The following MED13L variants were observed in gnomAD, a reference collection of about 807,000 sequenced individuals.
MED13L encodes the protein mediator of RNA polymerase II transcription subunit 13-like.
A neutral mutation model predicts 220.9 loss-of-function variants in MED13L; 7 were observed. That is an observed-to-expected ratio of 0.03 (90% CI 0.02 to 0.06). MED13L has a LOEUF of 0.06. MED13L is among the 10% of genes least tolerant of loss of function. The pLI is 1.00. For missense variants in MED13L, 1,965 were observed against 2,760.5 expected (o/e 0.71, Z 6.46); for synonymous variants, 1,011 against 1,015.2 (o/e 1.00, Z 0.08).
chr12:116,132,104 C>T (rs1876119654), intron 2 of MED13L, among the ~76,000 whole-genome samples: 1 of 151,968 alleles, frequency 6.6e-6, no homozygotes, highest in Admixed American at 6.6e-5. Context: ...CACTGTGAAA[C>T]CCCGTCTCTA....
chr12:116,086,888 G>A (rs1871743752), intron 4 of MED13L, among the ~76,000 whole-genome samples: 1 of 152,080 alleles, frequency 6.6e-6, no homozygotes. Flanking sequence ...CAAAATCATG[G>A]TGATTTCAAA....
chr12:116,158,925 A>C (rs1183963627), intron 2 of MED13L, among the ~76,000 whole-genome samples: 1 of 152,210 alleles, frequency 6.6e-6, no homozygotes, highest in Non-Finnish European at 1.5e-5. Flanking sequence ...ATATTTTTCT[A>C]TTCTGTAACA....
intron 9 of MED13L, among the ~76,000 whole-genome samples, chr12:116,011,469 T>C (rs1207548538): frequency 6.6e-6 from 1 of 152,096 alleles, no homozygotes; most frequent in Admixed American, 6.5e-5. Context: ...AGTGAAAAAA[T>C]CTGGGCTAAG....
chr12:115,997,008 A>T lies in MED13L; in HGVS notation c.2790+2T>A. On this transcript the variant is annotated splice_donor_variant, in intron 15 of 30. Transcript: ENST00000281928. LOFTEE classifies it high-confidence loss of function. ...TGGAAATGTTAATATATTGACAACT[A>T]CCTTAATTTCCTCGGGCTTGGGACT... The T allele has an allele frequency of 6.2e-7, 1 of 1,610,560 alleles. No homozygotes were observed. Among genetic ancestry groups the T allele is most frequent in the Non-Finnish European group, 8.5e-7 (1 of 1,176,816 alleles).
chr12:116,234,939 C>G (rs958414598), intron 2 of MED13L, among the ~76,000 whole-genome samples: 3 of 151,444 alleles, frequency 2.0e-5, no homozygotes, highest in African/African-American at 4.9e-5. Flanking sequence ...TTGGGATAAC[C>G]AGCGTGAGCC....
At position 116,098,884 on chromosome 12, in the gene MED13L, G is replaced by C. The variant is rs116842857; in HGVS notation, c.396-2132C>G. On this transcript the variant is annotated intron_variant, in intron 3 of 30. Coordinates refer to ENST00000281928, the MANE Select transcript of MED13L (RefSeq NM_015335.5). ...GTATTCAAGAAGCAAAACTGAAAAA[G>C]CATCTCCACAGTTTATTCACCAGCT... Among the ~76,000 whole-genome samples, 201 of 152,208 alleles carry C rather than the reference G, an allele frequency of 1.3e-3. 7 individuals carry two copies. In the East Asian group the frequency reaches 0.038, roughly 28 times the overall value.
intron 7 of MED13L, among the ~76,000 whole-genome samples, chr12:116,017,895 C>T (rs557218581): frequency 6.6e-6 from 1 of 152,116 alleles, no homozygotes; most frequent in South Asian, 2.1e-4. Flanking sequence ...GGATTACAGG[C>T]ATGAGCCATC....
chr12:116,273,875 TTA>T (rs1307372231), intron 1 of MED13L, among the ~76,000 whole-genome samples: 1 of 152,200 alleles, frequency 6.6e-6, no homozygotes, highest in Non-Finnish European at 1.5e-5. Flanking sequence ...CATCCAGAAA[TTA>T]TGTCTTCTCA....
intron 2 of MED13L, among the ~76,000 whole-genome samples, chr12:116,116,813 G>C (rs1387866064): frequency 2.0e-5 from 3 of 151,702 alleles, no homozygotes; most frequent in Non-Finnish European, 4.4e-5. Flanking sequence ...GGAAACACCT[G>C]CTCTCCACCT....
intron 14 of MED13L, among the ~76,000 whole-genome samples, chr12:116,001,985 A>C (rs1228377027): frequency 2.6e-5 from 4 of 152,238 alleles, no homozygotes; most frequent in African/African-American, 9.6e-5. Flanking sequence ...TAAAGGATCA[A>C]TGGATTCAAA....
chr12:116,121,460 A>G (rs1333273812), intron 2 of MED13L, among the ~76,000 whole-genome samples: 2 of 152,182 alleles, frequency 1.3e-5, no homozygotes, highest in African/African-American at 4.8e-5. Flanking sequence ...GATCTTGGAA[A>G]GATATCCCTT....
intron 5 of MED13L, among the ~76,000 whole-genome samples, chr12:116,020,456 G>C (rs1047526777): frequency 6.6e-6 from 1 of 152,146 alleles, no homozygotes; most frequent in African/African-American, 2.4e-5. Context: ...CCTAAAACTT[G>C]AACACTCTTG....
intron 28 of MED13L, among the ~76,000 whole-genome samples, chr12:115,967,908 C>T (rs978688735): frequency 6.6e-6 from 1 of 152,190 alleles, no homozygotes; most frequent in African/African-American, 2.4e-5. Flanking sequence ...AAAACCCCTT[C>T]CTTCCAGAAG....
intron 3 of MED13L, among the ~76,000 whole-genome samples, chr12:116,109,060 C>CTTTTTTT (rs751600660): frequency 2.1e-5 from 2 of 97,082 alleles, no homozygotes; most frequent in Non-Finnish European, 4.1e-5. Context: ...AATTAATTTC[C>CTTTTTTT]TTTTTTTTTT....
At chr12:116,127,943 C>T (rs530265251) in intron 2 of MED13L, among the ~76,000 whole-genome samples, 1 of 152,290 alleles carries the variant, frequency 6.6e-6, no homozygotes, top group South Asian at 2.1e-4. Flanking sequence ...CCTCTGTGTA[C>T]TCATTTCAAC....
At chr12:116,013,325 C>T (rs755698696) in intron 8 of MED13L, among the ~76,000 whole-genome samples, 2 of 152,114 alleles carry the variant, frequency 1.3e-5, no homozygotes, top group Non-Finnish European at 1.5e-5. Context: ...GATGGTGATG[C>T]CAAACAATCC....
chr12:116,046,778 C>T (rs991275413), intron 4 of MED13L, among the ~76,000 whole-genome samples: 28 of 152,218 alleles, frequency 1.8e-4, no homozygotes, highest in African/African-American at 5.8e-4. Flanking sequence ...TTGAGACCAC[C>T]CTGGCTAACA....
intron 4 of MED13L, among the ~76,000 whole-genome samples, chr12:116,038,526 G>C (rs1881322448): frequency 6.6e-6 from 1 of 151,884 alleles, no homozygotes; most frequent in African/African-American, 2.4e-5. Flanking sequence ...GACAGATTCT[G>C]ACACCCATGG....
intron 3 of MED13L, among the ~76,000 whole-genome samples, chr12:116,101,266 G>C (rs1465604958): frequency 6.6e-6 from 1 of 152,168 alleles, no homozygotes; most frequent in Non-Finnish European, 1.5e-5. Flanking sequence ...AGTTCTTTGG[G>C]AGTACAGACG....
Sources: gnomAD v4.1 joint callset for allele counts (sites outside exome capture counted in the v4.1 genomes callset) on GRCh38, gnomAD v4.1.1 for gene constraint, MANE v1.5 for transcripts, NCBI Gene and HGNC (gene_info 2026-07-23, HGNC 2026-07-21) for gene names.